The following CNTN5 variants were observed in gnomAD, a reference collection of about 807,000 sequenced individuals.
The protein encoded by CNTN5 is contactin-5.
CNTN5 carries 77 observed loss-of-function variants against 129.1 expected under a neutral mutation model. The ratio of observed to expected loss-of-function variants is 0.60; its 90% CI spans 0.50 to 0.72. CNTN5 has a LOEUF of 0.72. Among genes scored for constraint, CNTN5 ranks in the 30% least tolerant of loss-of-function variants. CNTN5 has a pLI of 0.00. For missense variants in CNTN5, 1,478 were observed against 1,328.8 expected, an observed-to-expected ratio of 1.11 and a Z score of -1.75; for synonymous variants, 509 against 465.6, an observed-to-expected ratio of 1.09 and a Z score of -1.20.
intron 13 of CNTN5, among the ~76,000 whole-genome samples, chr11:100,085,833 C>A (rs924066881): frequency 2.6e-5 from 4 of 151,828 alleles, no homozygotes; most frequent in African/African-American, 9.7e-5. Flanking sequence ...CTGTACCATA[C>A]AAAAAACTTT....
intron 1 of CNTN5, among the ~76,000 whole-genome samples, chr11:99,280,299 G>T (rs993310590): frequency 1.1e-4 from 17 of 151,572 alleles, no homozygotes; most frequent in African/African-American, 4.1e-4. Context: ...TAAATCAAAA[G>T]CAATTGATGA....
intron 6 of CNTN5, among the ~76,000 whole-genome samples, chr11:99,846,833 A>G (rs1230832490): frequency 6.6e-6 from 1 of 152,208 alleles, no homozygotes; most frequent in Non-Finnish European, 1.5e-5. Context: ...TGTAAATATC[A>G]TATTTTAAAG....
At chr11:100,300,280 A>G (rs930817711) in intron 20 of CNTN5, among the ~76,000 whole-genome samples, 5 of 151,610 alleles carry the variant, frequency 3.3e-5, no homozygotes, top group Admixed American at 3.3e-4. Flanking sequence ...TAATAGATCT[A>G]GCCCCCTAAA....
intron 3 of CNTN5, among the ~76,000 whole-genome samples, chr11:99,818,484 TA>T (rs1327843216): frequency 2.0e-5 from 3 of 152,180 alleles, no homozygotes; most frequent in Non-Finnish European, 4.4e-5. Context: ...TTTAAACACC[TA>T]GCTGAAGTCA....
chr11:99,917,536 G>A (rs535329530), intron 7 of CNTN5, among the ~76,000 whole-genome samples: 13 of 152,174 alleles, frequency 8.5e-5, no homozygotes, highest in Admixed American at 7.9e-4. Flanking sequence ...GGGAAAAGAA[G>A]GGGAAGGAGA....
chr11:100,337,540 A>G lies in CNTN5; in HGVS notation c.2731-2923A>G, dbSNP rs1952060709. 1.2e-5 allele frequency: 9 copies of G among 744,540 alleles called. No individual in the cohort carries two copies. In the East Asian group the frequency reaches 2.2e-4, roughly 18 times the overall value. 46.1% of individuals were successfully genotyped at this position (744,540 alleles called of 1,614,324 possible). On this transcript the variant is annotated intron_variant, in intron 21 of 24. Transcript: ENST00000524871. ...AAACGCATGTCTGTATCCCCAGTCAAGCAAGCTGTGGATTTTCTGAGCAAT... is the reference window on the plus strand; with the variant it reads ...AAACGCATGTCTGTATCCCCAGTCAGGCAAGCTGTGGATTTTCTGAGCAAT...
intron 2 of CNTN5, among the ~76,000 whole-genome samples, chr11:99,375,047 A>C (rs1462312454): frequency 1.3e-5 from 2 of 152,188 alleles, no homozygotes. Flanking sequence ...TCACGCCTGT[A>C]ATCCCAGCCC....
chr11:99,753,118 G>GTTTTT lies in CNTN5; in HGVS notation c.56-66426_56-66425insTTTTT, dbSNP rs1591097312. ...ATTTATAACATTTTAAGCCATATTT[G>GTTTTT]CTTTTTTTTTTTTTTTTTTTTTGAG... On this transcript the variant is annotated intron_variant, in intron 3 of 24. Transcript: ENST00000524871. Among the ~76,000 whole-genome samples, 29 of 84,788 alleles carry GTTTTT rather than the reference G, an allele frequency of 3.4e-4. 1 individual carries two copies. Among genetic ancestry groups the GTTTTT allele is most frequent in the South Asian group, 1.6e-3 (3 of 1,834 alleles). The allele number at this position is 84,788 out of a possible 152,430, so 55.6% of individuals were successfully genotyped here.
chr11:99,254,149 A>G (rs1384828172), intron 1 of CNTN5, among the ~76,000 whole-genome samples: 2 of 151,866 alleles, frequency 1.3e-5, no homozygotes, highest in Non-Finnish European at 2.9e-5. Context: ...GATCATACAA[A>G]GAAAGAATTA....
intron 9 of CNTN5, among the ~76,000 whole-genome samples, chr11:100,022,240 C>G (rs558416277): frequency 6.6e-6 from 1 of 152,062 alleles, no homozygotes; most frequent in Non-Finnish European, 1.5e-5. Flanking sequence ...ACTTTTAAAC[C>G]GTTTTGAGTT....
In CNTN5 at chr11:99,389,541, T is replaced by C. The variant is rs2136183610; in HGVS notation, c.-71+64057T>C. 1.3e-5 allele frequency among the ~76,000 whole-genome samples: 2 copies of C among 152,320 alleles called. 1 individual carries two copies. Among genetic ancestry groups the C allele is most frequent in the East Asian group, 3.9e-4 (2 of 5,194 alleles). ...GCTGATTAACATAAATGAATACTTT[T>C]TCCCTTTATAGATAAGAATCAGCAT... is the stretch of plus-strand genomic sequence containing the variant. On this transcript the variant is annotated intron_variant, in intron 2 of 24. Coordinates refer to ENST00000524871, the MANE Select transcript of CNTN5 (RefSeq NM_014361.4).
At chr11:100,351,657 TAAA>T (rs60798966) in intron 24 of CNTN5, among the ~76,000 whole-genome samples, 9 of 103,644 alleles carry the variant, frequency 8.7e-5, no homozygotes, top group South Asian at 3.1e-4. Flanking sequence ...GTAGAGATAG[TAAA>T]AAAAAAAAAA....
At chr11:99,908,121 G>GT (rs1351066211) in intron 6 of CNTN5, among the ~76,000 whole-genome samples, 6 of 152,032 alleles carry the variant, frequency 3.9e-5, no homozygotes, top group Non-Finnish European at 5.9e-5. Context: ...AAGTGTTTTT[G>GT]TTTTTTTACA....
intron 18 of CNTN5, among the ~76,000 whole-genome samples, chr11:100,295,856 C>T (rs183237037): frequency 6.6e-6 from 1 of 151,402 alleles, no homozygotes; most frequent in African/African-American, 2.4e-5. Context: ...GTCTGGTATA[C>T]ATTACCCATA....
chr11:99,562,307 C>A (rs988548846), intron 3 of CNTN5, among the ~76,000 whole-genome samples: 1 of 151,776 alleles, frequency 6.6e-6, no homozygotes. Flanking sequence ...ATTTTATTTT[C>A]TTTGAGATCT....
intron 3 of CNTN5, among the ~76,000 whole-genome samples, chr11:99,627,317 T>C (rs1951167768): frequency 6.6e-6 from 1 of 152,170 alleles, no homozygotes; most frequent in African/African-American, 2.4e-5. Context: ...TAAAGTGGCT[T>C]GTAGCTTTTA....
At chr11:99,138,212 G>A (rs1430016781) in intron 1 of CNTN5, among the ~76,000 whole-genome samples, 2 of 151,946 alleles carry the variant, frequency 1.3e-5, no homozygotes, top group African/African-American at 2.4e-5. Context: ...CAACATGATA[G>A]GTGTTAGGTG....
intron 3 of CNTN5, among the ~76,000 whole-genome samples, chr11:99,620,357 TTAAA>T (rs34425332): frequency 0.45 from 68,107 of 151,268 alleles, 15,719 homozygotes; most frequent in Admixed American, 0.59. Flanking sequence ...TAGTATACAA[TTAAA>T]TAAAAAGTAA....
At chr11:99,711,262 A>C (rs2134957499) in intron 3 of CNTN5, among the ~76,000 whole-genome samples, 1 of 152,090 alleles carries the variant, frequency 6.6e-6, no homozygotes, top group African/African-American at 2.4e-5. Flanking sequence ...CTTACCTTTT[A>C]GAATTTCTGT....
Sources: allele counts gnomAD v4.1 joint callset (sites outside exome capture counted in the v4.1 genomes callset), GRCh38; gene constraint gnomAD v4.1.1; transcripts MANE v1.5; gene names NCBI Gene and HGNC (gene_info 2026-07-23, HGNC 2026-07-21).